The following CLSTN2 variants were observed in gnomAD, a reference collection of about 807,000 sequenced individuals.
CLSTN2 encodes the protein calsyntenin-2.
A neutral mutation model predicts 101.2 loss-of-function variants in CLSTN2; 48 were observed. The observed-to-expected ratio is 0.47, with a 90% confidence interval of 0.38 to 0.60. The LOEUF (loss-of-function observed/expected upper bound fraction) is 0.60, where lower values mean the gene tolerates loss of function less well. Among genes scored for constraint, CLSTN2 ranks in the 20% least tolerant of loss-of-function variants. The probability of loss-of-function intolerance (pLI) is 0.00; values close to 1 mark genes in which losing one functional copy is unlikely to be tolerated. For synonymous variants in CLSTN2, 481 were observed against 463.6 expected, an observed-to-expected ratio of 1.04 and a Z score of -0.48; for missense variants, 1,160 against 1,238.2, an observed-to-expected ratio of 0.94 and a Z score of 0.95.
At chr3:140,485,544 G>A (rs1280510804) in intron 8 of CLSTN2, among the ~76,000 whole-genome samples, 1 of 152,166 alleles carries the variant, frequency 6.6e-6, no homozygotes, top group Non-Finnish European at 1.5e-5. Context: ...GCTATGCCCT[G>A]CCCCCAGAGG....
chr3:140,526,160 T>C (rs892553267), intron 8 of CLSTN2, among the ~76,000 whole-genome samples: 3 of 152,122 alleles, frequency 2.0e-5, no homozygotes, highest in South Asian at 2.1e-4. Flanking sequence ...AATGATATGA[T>C]TCCTTACTTA....
At chr3:140,223,030 T>A (rs571220327) in intron 2 of CLSTN2, among the ~76,000 whole-genome samples, 3 of 152,312 alleles carry the variant, frequency 2.0e-5, no homozygotes, top group African/African-American at 7.2e-5. Flanking sequence ...CACTTGGTGT[T>A]GTAGAGTTAA....
chr3:140,235,119 G>T (rs1444654864), intron 2 of CLSTN2, among the ~76,000 whole-genome samples: 4 of 152,182 alleles, frequency 2.6e-5, no homozygotes, highest in Non-Finnish European at 5.9e-5. Context: ...TGGTTATGAG[G>T]ATTAACTATA....
Position 140,175,986 on chromosome 3 carries a change from C to T in CLSTN2, c.145C>T (p.His49Tyr), listed in dbSNP as rs1045897392. The change falls in exon 2 of 17, where the codon CAT (histidine) becomes TAT (tyrosine). Residue 49 changes from histidine (H) to tyrosine (Y), a missense_variant. Transcript: ENST00000458420. ...CAAGCCATGGATCGAGACTTCATAT[C>T]ATGGAGTCATAACTGAGAACAATGA... ...KHKPWIETSYHGVITENNDTV... is the reference protein window; with the variant it reads ...KHKPWIETSYYGVITENNDTV... 8 of 1,612,648 alleles carry T rather than the reference C, an allele frequency of 5.0e-6. No homozygotes were observed. The highest frequency in any genetic ancestry group is 1.7e-5 in the Admixed American group (1 of 60,000).
At chr3:140,565,044 G>T (rs1470103098) in intron 16 of CLSTN2, among the ~76,000 whole-genome samples, 1 of 152,354 alleles carries the variant, frequency 6.6e-6, no homozygotes, top group African/African-American at 2.4e-5. Flanking sequence ...TAGGTAAAAT[G>T]CTGAGCTCAG....
At chr3:140,558,579 C>A in intron 11 of CLSTN2, 61 bp from the exon 12 acceptor site, 1 of 1,423,774 alleles carries the variant, frequency 7.0e-7, no homozygotes, top group Admixed American at 1.7e-5. Context: ...TTGTTCCTGG[C>A]TGTATGACAG....
intron 2 of CLSTN2, among the ~76,000 whole-genome samples, chr3:140,392,383 G>A (rs2088125263): frequency 6.6e-6 from 1 of 151,710 alleles, no homozygotes; most frequent in Non-Finnish European, 1.5e-5. Flanking sequence ...ATATTTTACA[G>A]TCTAAGACAT....
chr3:140,238,028 T>C (rs2086431559), intron 2 of CLSTN2, among the ~76,000 whole-genome samples: 1 of 152,204 alleles, frequency 6.6e-6, no homozygotes, highest in Admixed American at 6.5e-5. Context: ...CATCAACATG[T>C]GTTTGCACAT....
chr3:140,002,739 A>G lies in CLSTN2; in HGVS notation c.109+67256A>G, dbSNP rs1382113890. Reference sequence around the variant, plus strand: ...TAATCCATTTTGATTTGATTTTTGTATATAGCAAGAGATAGGAGTCAAGTT... The same window carrying G: ...TAATCCATTTTGATTTGATTTTTGTGTATAGCAAGAGATAGGAGTCAAGTT... On this transcript the variant is annotated intron_variant, in intron 1 of 16. Coordinates refer to ENST00000458420, the MANE Select transcript of CLSTN2 (RefSeq NM_022131.3). 4.6e-5 allele frequency among the ~76,000 whole-genome samples: 7 copies of G among 152,312 alleles called. No homozygotes were observed. In the East Asian group the frequency reaches 1.3e-3, roughly 29 times the overall value.
chr3:140,453,780 A>T (rs577377821), intron 6 of CLSTN2, among the ~76,000 whole-genome samples: 2 of 152,344 alleles, frequency 1.3e-5, no homozygotes, highest in South Asian at 2.1e-4. Flanking sequence ...AAAAAATTCA[A>T]TCTTCTGGAG....
chr3:140,530,447 G>A (rs56127667), intron 8 of CLSTN2, among the ~76,000 whole-genome samples: 2 of 152,160 alleles, frequency 1.3e-5, no homozygotes, highest in African/African-American at 4.8e-5. Context: ...GTTCAATCTA[G>A]CATACTTTGG....
At chr3:140,071,314 G>A (rs537686562) in intron 1 of CLSTN2, among the ~76,000 whole-genome samples, 3 of 152,102 alleles carry the variant, frequency 2.0e-5, no homozygotes, top group Admixed American at 1.3e-4. Context: ...TCACAAAAAG[G>A]TTACAGAAAA....
At chr3:140,291,324 T>C (rs577882859) in intron 2 of CLSTN2, among the ~76,000 whole-genome samples, 51 of 151,916 alleles carry the variant, frequency 3.4e-4, no homozygotes, top group African/African-American at 1.2e-3. Flanking sequence ...CTTCCTAATA[T>C]GTATCTGAAA....
intron 4 of CLSTN2, among the ~76,000 whole-genome samples, chr3:140,419,449 C>G (rs1442632150): frequency 6.8e-5 from 9 of 131,950 alleles, no homozygotes; most frequent in Non-Finnish European, 1.4e-4. Flanking sequence ...TGCCACTGAA[C>G]TCCAGCCTGG....
At chr3:140,365,142 C>G (rs2087771579) in intron 2 of CLSTN2, among the ~76,000 whole-genome samples, 1 of 152,130 alleles carries the variant, frequency 6.6e-6, no homozygotes, top group African/African-American at 2.4e-5. Flanking sequence ...GGAGAACCAA[C>G]CCTCAGCAAG....
chr3:140,148,167 A>G (rs2009810439), intron 1 of CLSTN2, among the ~76,000 whole-genome samples: 1 of 150,572 alleles, frequency 6.6e-6, no homozygotes, highest in African/African-American at 2.4e-5. Flanking sequence ...TAGGACCTCA[A>G]GGCTGCCTGG....
At chr3:140,216,201 G>T (rs150610249) in intron 2 of CLSTN2, among the ~76,000 whole-genome samples, 1 of 152,106 alleles carries the variant, frequency 6.6e-6, no homozygotes, top group African/African-American at 2.4e-5. Context: ...GTTTCATCCC[G>T]AAACAACCCG....
At chr3:140,208,107 A>G (rs1289507464) in intron 2 of CLSTN2, among the ~76,000 whole-genome samples, 3 of 152,042 alleles carry the variant, frequency 2.0e-5, no homozygotes, top group Admixed American at 6.6e-5. Context: ...TTTAAACTGT[A>G]TTTGTCTAAT....
chr3:140,259,337 G>T (rs1184175068), intron 2 of CLSTN2, among the ~76,000 whole-genome samples: 2 of 152,028 alleles, frequency 1.3e-5, no homozygotes, highest in East Asian at 3.9e-4. Context: ...AGCCAGGTGT[G>T]GTGGCAGGCA....
Sources: gnomAD v4.1 joint callset for allele counts (sites outside exome capture counted in the v4.1 genomes callset) on GRCh38, gnomAD v4.1.1 for gene constraint, MANE v1.5 for transcripts, NCBI Gene and HGNC (gene_info 2026-07-23, HGNC 2026-07-21) for gene names.